Variants in EML4 observed in about 807,000 individuals in gnomAD.
The protein encoded by EML4 is echinoderm microtubule-associated protein-like 4.
EML4 carries 72 observed loss-of-function variants against 129.0 expected under a neutral mutation model. The ratio of observed to expected loss-of-function variants is 0.56; its 90% CI spans 0.46 to 0.68. The LOEUF (loss-of-function observed/expected upper bound fraction) is 0.68, where lower values mean the gene tolerates loss of function less well. Ranked by LOEUF, EML4 falls within the 30% of genes least tolerant of loss-of-function variation. The pLI, the probability that EML4 is intolerant of heterozygous loss-of-function variation, is 0.00. For missense variants in EML4, 1,363 were observed against 1,190.6 expected, an observed-to-expected ratio of 1.14 and a Z score of -2.13; for synonymous variants, 532 against 405.0, an observed-to-expected ratio of 1.31 and a Z score of -3.77.
chr2:42,285,583 C>A lies in EML4; in HGVS notation c.1012-686C>A, dbSNP rs199675124. Among the ~76,000 whole-genome samples, 1,274 of 134,814 alleles carry A rather than the reference C, an allele frequency of 9.5e-3. 16 individuals carry two copies. The highest frequency in any genetic ancestry group is 0.031 in the Middle Eastern group (9 of 290). 88.4% of individuals were successfully genotyped at this position (134,814 alleles called of 152,430 possible). ...TTTGCCTGGATTAGAATCCTGACTC[C>A]ACCTTTTTTTTTTCTTTTTTTCTTT... On this transcript the variant is annotated intron_variant, in intron 9 of 22. Coordinates refer to ENST00000318522, the MANE Select transcript of EML4 (RefSeq NM_019063.5).
intron 1 of EML4, among the ~76,000 whole-genome samples, chr2:42,174,359 C>T (rs1371219965): frequency 2.6e-5 from 4 of 152,016 alleles, no homozygotes; most frequent in Non-Finnish European, 5.9e-5. Flanking sequence ...GGCACGATCT[C>T]AGCTCACTGC....
At chr2:42,251,300 T>C (rs1403201887) in intron 2 of EML4, among the ~76,000 whole-genome samples, 3 of 152,254 alleles carry the variant, frequency 2.0e-5, no homozygotes, top group African/African-American at 7.2e-5. Flanking sequence ...TAGAATCTTC[T>C]TGGACCACTG....
chr2:42,268,276 A>G lies in EML4; in HGVS notation c.667+3545A>G, dbSNP rs372065002. 2.0e-5 allele frequency among the ~76,000 whole-genome samples: 3 copies of G among 152,184 alleles called. No homozygotes were observed. The East Asian group carries it at 5.8e-4, about 29-fold the overall frequency. ...CAATATAACAACTAATAAGTAATCT[A>G]AAGATGATTTAAAGTATACAGGAAG... On this transcript the variant is annotated intron_variant, in intron 6 of 22. Transcript: ENST00000318522.
At chr2:42,317,382 T>G (rs773826143) in intron 18 of EML4, 45 bp from the exon 19 acceptor site, 2 of 1,190,644 alleles carry the variant, frequency 1.7e-6, no homozygotes, top group East Asian at 4.7e-5. Context: ...GTAAATAAAT[T>G]TATCAGTATA....
intron 1 of EML4, among the ~76,000 whole-genome samples, chr2:42,194,316 C>T (rs890095734): frequency 3.4e-5 from 5 of 147,230 alleles, no homozygotes; most frequent in African/African-American, 1.0e-4. Flanking sequence ...GAATCCTAAT[C>T]CAGATCTGTA....
intron 17 of EML4, among the ~76,000 whole-genome samples, chr2:42,308,957 A>G (rs1668773658): frequency 6.6e-6 from 1 of 152,198 alleles, no homozygotes; most frequent in African/African-American, 2.4e-5. Context: ...TGGATATACC[A>G]CCTTCATCAA....
chr2:42,189,917 C>T (rs1006104534), intron 1 of EML4, among the ~76,000 whole-genome samples: 1 of 151,422 alleles, frequency 6.6e-6, no homozygotes, highest in African/African-American at 2.4e-5. Context: ...TCCTTGGTTA[C>T]TAACATCATG....
chr2:42,257,101 A>G (rs1676202434), intron 3 of EML4, among the ~76,000 whole-genome samples: 1 of 151,994 alleles, frequency 6.6e-6, no homozygotes. Flanking sequence ...ATATAGTACT[A>G]TCTGGGGTGT....
intron 1 of EML4, among the ~76,000 whole-genome samples, chr2:42,206,884 T>C (rs945771099): frequency 1.3e-5 from 2 of 152,228 alleles, no homozygotes; most frequent in Admixed American, 6.5e-5. Context: ...TTGTTGATCA[T>C]GTAATCTTGG....
intron 1 of EML4, among the ~76,000 whole-genome samples, chr2:42,210,896 T>C (rs1672850242): frequency 6.6e-6 from 1 of 152,192 alleles, no homozygotes; most frequent in South Asian, 2.1e-4. Flanking sequence ...ACTCAGTAGA[T>C]AGAAAATCAG....
intron 1 of EML4, among the ~76,000 whole-genome samples, chr2:42,182,808 C>T (rs746017550): frequency 3.9e-5 from 6 of 152,154 alleles, no homozygotes; most frequent in Non-Finnish European, 8.8e-5. Context: ...ATCAATGTTT[C>T]ATCAGGTTTG....
intron 1 of EML4, among the ~76,000 whole-genome samples, chr2:42,231,057 T>C (rs769705180): frequency 1.4e-4 from 22 of 152,196 alleles, no homozygotes; most frequent in Non-Finnish European, 2.4e-4. Context: ...CCTTTCCATC[T>C]TCAATCACAT....
intron 1 of EML4, among the ~76,000 whole-genome samples, chr2:42,206,559 A>C (rs1414859653): frequency 6.6e-6 from 1 of 152,148 alleles, no homozygotes; most frequent in African/African-American, 2.4e-5. Context: ...CGTCTTGCCT[A>C]CTTTAATCTG....
intron 19 of EML4, among the ~76,000 whole-genome samples, chr2:42,318,653 A>G (rs1669363676): frequency 6.6e-6 from 1 of 152,082 alleles, no homozygotes; most frequent in Non-Finnish European, 1.5e-5. Flanking sequence ...CCACCAAAAG[A>G]AGTTTTCAGA....
intron 11 of EML4, among the ~76,000 whole-genome samples, chr2:42,290,204 T>G (rs1387577474): frequency 6.6e-6 from 1 of 152,158 alleles, no homozygotes; most frequent in Non-Finnish European, 1.5e-5. Flanking sequence ...CAGAAATGAC[T>G]TGATTCAGGG....
At chr2:42,186,937 A>T (rs1297894150) in intron 1 of EML4, among the ~76,000 whole-genome samples, 1 of 151,964 alleles carries the variant, frequency 6.6e-6, no homozygotes, top group African/African-American at 2.4e-5. Context: ...AAATTCTCTC[A>T]TGCCTCTTTG....
At chr2:42,254,178 G>C (rs186492407) in intron 2 of EML4, among the ~76,000 whole-genome samples, 1 of 152,264 alleles carries the variant, frequency 6.6e-6, no homozygotes, top group Non-Finnish European at 1.5e-5. Context: ...TTGGTGGTCG[G>C]GCACAGTGGC....
intron 2 of EML4, among the ~76,000 whole-genome samples, chr2:42,254,715 G>C (rs1358727632): frequency 1.3e-5 from 2 of 151,918 alleles, no homozygotes; most frequent in Admixed American, 1.3e-4. Context: ...AAATGGCGCA[G>C]CCACTGTGTT....
At chr2:42,236,948 T>C (rs1231349188) in intron 1 of EML4, among the ~76,000 whole-genome samples, 3 of 152,224 alleles carry the variant, frequency 2.0e-5, no homozygotes, top group Non-Finnish European at 4.4e-5. Flanking sequence ...GTTGACCATT[T>C]ATGTTTCCTT....
Sources: gnomAD v4.1 joint callset for allele counts (sites outside exome capture counted in the v4.1 genomes callset) on GRCh38, gnomAD v4.1.1 for gene constraint, MANE v1.5 for transcripts, NCBI Gene and HGNC (gene_info 2026-07-23, HGNC 2026-07-21) for gene names.